The following PCOLCE2 variants were observed in gnomAD, a reference collection of about 807,000 sequenced individuals.
PCOLCE2 encodes procollagen C-endopeptidase enhancer 2.
PCOLCE2 carries 42 observed loss-of-function variants against 47.0 expected under a neutral mutation model. That is an observed-to-expected ratio of 0.89 (90% CI 0.70 to 1.16). The LOEUF (loss-of-function observed/expected upper bound fraction) is 1.16. Ranked by LOEUF, PCOLCE2 falls within the 50% of genes most tolerant of loss-of-function variation. The pLI is 0.00. For missense variants in PCOLCE2, 500 were observed against 526.1 expected (o/e 0.95, Z 0.49); for synonymous variants, 169 against 191.7 (o/e 0.88, Z 0.98).
intron 2 of PCOLCE2, among the ~76,000 whole-genome samples, chr3:142,851,678 T>C (rs149512850): frequency 2.0e-5 from 3 of 152,246 alleles, no homozygotes; most frequent in Admixed American, 6.5e-5. Context: ...ATATTGAAAT[T>C]ACAGTTGATT....
intron 8 of PCOLCE2, among the ~76,000 whole-genome samples, chr3:142,819,829 T>G (rs1578026077): frequency 6.6e-6 from 1 of 152,154 alleles, no homozygotes; most frequent in East Asian, 1.9e-4. Context: ...TTATTTTTAG[T>G]AGAGCAGAGG....
At chr3:142,856,191 A>C (rs1933054894) in intron 2 of PCOLCE2, among the ~76,000 whole-genome samples, 1 of 152,184 alleles carries the variant, frequency 6.6e-6, no homozygotes, top group South Asian at 2.1e-4. Context: ...TTCAGGTCAA[A>C]GCACCTCACT....
intron 6 of PCOLCE2, among the ~76,000 whole-genome samples, chr3:142,824,213 G>A (rs977117531): frequency 4.0e-5 from 6 of 151,770 alleles, no homozygotes; most frequent in African/African-American, 1.4e-4. Context: ...ATACCAAATA[G>A]ACAAAACACA....
At position 142,835,066 on chromosome 3, in the gene PCOLCE2, CTATT is replaced by C. The variant is rs1937187975; in HGVS notation, c.710+3700_710+3703del. Among the ~76,000 whole-genome samples the C allele has an allele frequency of 2.0e-5, 3 of 151,612 alleles. No individual in the cohort carries two copies. The South Asian group carries it at 6.3e-4, about 32-fold the overall frequency. On this transcript the variant is annotated intron_variant, in intron 5 of 8. Coordinates refer to ENST00000295992, the MANE Select transcript of PCOLCE2 (RefSeq NM_013363.4). ...CTCCAGTTGCTGGATGTAGTGTTCT[CTATT>C]TGTCTATTAGACCAAGCCTGTTCAT...
At chr3:142,845,975 C>CA (rs555777606) in intron 3 of PCOLCE2, among the ~76,000 whole-genome samples, 68 of 151,776 alleles carry the variant, frequency 4.5e-4, no homozygotes, top group East Asian at 1.2e-3. Context: ...AACTCAGTCT[C>CA]AAAAAAAATA....
Position 142,842,940 on chromosome 3 carries a change from A to G in PCOLCE2, c.557T>C (p.Val186Ala), listed in dbSNP as rs1417234007. ...PAGVTCVWHI[V>A]APKNQLIELK... ...GAATCTCACCTGATTCTTTGGGGCTACAATGTGCCACACACAAGTGACTCC... is the reference window on the plus strand; with the variant it reads ...GAATCTCACCTGATTCTTTGGGGCTGCAATGTGCCACACACAAGTGACTCC... Residue 186 changes from valine (V) to alanine (A), a missense_variant, in exon 4 of 9, where the codon GTA becomes GCA. Val to Ala is a moderately conservative substitution (Grantham distance 64). Transcript: ENST00000295992. The surrounding 1 kb of genome is among the most constrained non-coding windows in gnomAD (Gnocchi z 4.1). 1 of 1,614,030 alleles carries G rather than the reference A, an allele frequency of 6.2e-7. No individual in the cohort carries two copies. The highest frequency in any genetic ancestry group is 1.1e-5 in the South Asian group (1 of 91,082).
chr3:142,888,608 G>C (rs576011124), intron 1 of PCOLCE2: 1 of 423,704 alleles, frequency 2.4e-6, no homozygotes, highest in East Asian at 3.6e-5. Context: ...GGGGACCCAG[G>C]AGGGAGCCCC....
intron 2 of PCOLCE2, among the ~76,000 whole-genome samples, chr3:142,870,591 T>C (rs1335959408): frequency 6.6e-6 from 1 of 152,102 alleles, no homozygotes; most frequent in Non-Finnish European, 1.5e-5. Context: ...GGCATTTTGG[T>C]TCGGAATAAT....
rs1472819901 is a variant in PCOLCE2, at chr3:142,842,937, G to A, written c.560C>T (p.Ala187Val). The A allele has an allele frequency of 6.2e-7, 1 of 1,614,034 alleles. No homozygotes were observed. ...AGVTCVWHIV[A>V]PKNQLIELKF... is the part of the protein sequence containing the mutation. Reference sequence around the variant, plus strand: ...AGGGAATCTCACCTGATTCTTTGGGGCTACAATGTGCCACACACAAGTGAC... The same window carrying A: ...AGGGAATCTCACCTGATTCTTTGGGACTACAATGTGCCACACACAAGTGAC... Residue 187 changes from alanine (A) to valine (V), a missense_variant, in exon 4 of 9, where the codon GCC becomes GTC. Transcript: ENST00000295992. This position sits in a 1 kb window ranked among gnomAD's most constrained non-coding sequence, Gnocchi z 4.1.
intron 5 of PCOLCE2, among the ~76,000 whole-genome samples, chr3:142,830,224 A>G (rs943105450): frequency 1.3e-5 from 2 of 152,242 alleles, no homozygotes; most frequent in African/African-American, 4.8e-5. Flanking sequence ...ACGTTGGGAC[A>G]TGGCTGGTTT....
intron 2 of PCOLCE2, among the ~76,000 whole-genome samples, chr3:142,870,700 G>T (rs1933372561): frequency 6.7e-6 from 1 of 149,200 alleles, no homozygotes; most frequent in Non-Finnish European, 1.5e-5. Context: ...ATCAGTGAAT[G>T]AGGCAATTTT....
intron 2 of PCOLCE2, among the ~76,000 whole-genome samples, chr3:142,853,836 T>C (rs1197188068): frequency 6.6e-6 from 1 of 152,214 alleles, no homozygotes; most frequent in Non-Finnish European, 1.5e-5. Flanking sequence ...GGGGATTCAT[T>C]ATCTGCCTGC....
chr3:142,831,049 G>A (rs1243259435), intron 5 of PCOLCE2, among the ~76,000 whole-genome samples: 1 of 152,222 alleles, frequency 6.6e-6, no homozygotes, highest in African/African-American at 2.4e-5. Flanking sequence ...TCTGAGCCAG[G>A]GGATGAGATG....
At chr3:142,831,573 C>T (rs534222689) in intron 5 of PCOLCE2, among the ~76,000 whole-genome samples, 4 of 152,166 alleles carry the variant, frequency 2.6e-5, no homozygotes, top group African/African-American at 7.2e-5. Context: ...TTCTGAGATT[C>T]GAGCCTTTCA....
chr3:142,855,749 G>A (rs1328156732), intron 2 of PCOLCE2, among the ~76,000 whole-genome samples: 1 of 152,208 alleles, frequency 6.6e-6, no homozygotes, highest in Admixed American at 6.5e-5. Flanking sequence ...TCCTTTTGGA[G>A]TTCTCTTTTT....
chr3:142,832,493 C>T (rs1258676933), intron 5 of PCOLCE2, among the ~76,000 whole-genome samples: 1 of 152,122 alleles, frequency 6.6e-6, no homozygotes, highest in Non-Finnish European at 1.5e-5. Context: ...ATGAGCTTGT[C>T]CTCCCTGCTG....
intron 2 of PCOLCE2, among the ~76,000 whole-genome samples, chr3:142,857,201 G>A (rs1424443489): frequency 1.3e-5 from 2 of 152,224 alleles, no homozygotes; most frequent in Admixed American, 6.5e-5. Flanking sequence ...GGCACCTCCT[G>A]TGGCTGCGAG....
rs1052479917 is a variant in PCOLCE2, at chr3:142,823,235, A to G, written c.949+297T>C. Among the ~76,000 whole-genome samples, 4 of 152,264 alleles carry G rather than the reference A, an allele frequency of 2.6e-5. No homozygotes were observed. The South Asian group carries it at 6.2e-4, about 24-fold the overall frequency. On this transcript the variant is annotated intron_variant, in intron 7 of 8. Transcript: ENST00000295992. ...CTCTGTATATGAAAAATATATAAGGAAAAAAGTACATAGGTTTTTTGCAGG... is the reference window on the plus strand; with the variant it reads ...CTCTGTATATGAAAAATATATAAGGGAAAAAGTACATAGGTTTTTTGCAGG...
chr3:142,879,404 T>TA (rs1209056194), intron 2 of PCOLCE2, among the ~76,000 whole-genome samples: 1 of 152,000 alleles, frequency 6.6e-6, no homozygotes, highest in African/African-American at 2.4e-5. Context: ...TTTCAATCAA[T>TA]AAAAACACTT....
Sources: allele counts gnomAD v4.1 joint callset (sites outside exome capture counted in the v4.1 genomes callset), GRCh38; gene constraint gnomAD v4.1.1; non-coding constraint Gnocchi (gnomAD v3.1); transcripts MANE v1.5; gene names NCBI Gene and HGNC (gene_info 2026-07-23, HGNC 2026-07-21).